The following RNF212B variants were observed in gnomAD, a reference collection of about 807,000 sequenced individuals.
The protein encoded by RNF212B is ring finger protein 212B, also known as E3 ubiquitin-protein ligase RNF212B.
Under a neutral mutation model 55.5 loss-of-function variants are expected in RNF212B, and 52 were observed. The observed-to-expected ratio is 0.94, with a 90% CI of 0.75 to 1.18. The LOEUF (loss-of-function observed/expected upper bound fraction) is 1.18, where lower values mean the gene tolerates loss of function less well. Among genes scored for constraint, RNF212B ranks in the 50% most tolerant of loss-of-function variants. The pLI is 0.00. For missense variants in RNF212B, 289 were observed against 350.4 expected (o/e 0.82, Z 1.40); for synonymous variants, 99 against 121.4 (o/e 0.82, Z 1.21).
chr14:23,228,015 G>A (rs1444624158), intron 2 of RNF212B, among the ~76,000 whole-genome samples: 2 of 152,088 alleles, frequency 1.3e-5, no homozygotes, highest in Non-Finnish European at 2.9e-5. Context: ...TGGATCACCT[G>A]AGGTCGGGAG....
intron 2 of RNF212B, among the ~76,000 whole-genome samples, chr14:23,241,951 G>A (rs1333512871): frequency 2.7e-5 from 4 of 150,924 alleles, no homozygotes; most frequent in Admixed American, 6.6e-5. Context: ...GCATGGTGGC[G>A]GGCGCCTATG....
chr14:23,269,962 TA>T lies in RNF212B; in HGVS notation c.772+4del. The stretch of plus-strand genomic sequence containing the variant: ...GAGTCCTCACCCCCAACAATTTTGG[TA>T]AGTTAAATAACATTTCCAAAGGAAT... On this transcript the variant is annotated splice_donor_region_variant and intron_variant, in intron 13 of 14. Coordinates refer to ENST00000430154, the MANE Select transcript of RNF212B (RefSeq NM_001282322.3). The T allele has an allele frequency of 6.8e-7, 1 of 1,467,398 alleles. No homozygotes were observed. The highest frequency in any genetic ancestry group is 1.2e-5 in the South Asian group (1 of 82,296). 90.9% of individuals were successfully genotyped at this position (1,467,398 alleles called of 1,614,324 possible).
intron 2 of RNF212B, among the ~76,000 whole-genome samples, chr14:23,205,452 C>T (rs1482250554): frequency 6.6e-6 from 1 of 151,978 alleles, no homozygotes; most frequent in African/African-American, 2.4e-5. Flanking sequence ...TGTCCCATTA[C>T]ATTTACCTAA....
intron 1 of RNF212B, among the ~76,000 whole-genome samples, chr14:23,238,699 T>A (rs1340238224): frequency 1.3e-5 from 2 of 151,098 alleles, no homozygotes; most frequent in East Asian, 3.9e-4. Flanking sequence ...GATCTGCCAC[T>A]GCACTCCAAC....
intron 1 of RNF212B, among the ~76,000 whole-genome samples, chr14:23,187,486 C>T (rs913200081): frequency 5.3e-5 from 8 of 152,150 alleles, no homozygotes; most frequent in Non-Finnish European, 8.8e-5. Flanking sequence ...GTAGCTGGGA[C>T]TACAGATGTG....
chr14:23,271,167 G>A (rs918718010), intron 14 of RNF212B, among the ~76,000 whole-genome samples: 1 of 152,100 alleles, frequency 6.6e-6, no homozygotes, highest in East Asian at 1.9e-4. Context: ...CACCGGGGGC[G>A]GTGGTACATG....
chr14:23,235,310 A>T (rs144916941), upstream of RNF212B, among the ~76,000 whole-genome samples: 193 of 152,262 alleles, frequency 1.3e-3, no homozygotes, highest in African/African-American at 4.2e-3. Flanking sequence ...TGATTGTGCC[A>T]CTAAACTCTA....
At chr14:23,232,804 G>T (rs891503114) in intron 2 of RNF212B, among the ~76,000 whole-genome samples, 11 of 145,654 alleles carry the variant, frequency 7.6e-5, no homozygotes, top group Admixed American at 2.0e-4. Context: ...GTCAGCCTCT[G>T]CCCGGCCGCC....
upstream of RNF212B, among the ~76,000 whole-genome samples, chr14:23,236,370 C>G (rs1883091343): frequency 6.6e-6 from 1 of 152,088 alleles, no homozygotes; most frequent in African/African-American, 2.4e-5. Flanking sequence ...AAAAAATTAG[C>G]TGGGCGTAAT....
chr14:23,198,999 C>T (rs775493521), intron 2 of RNF212B, among the ~76,000 whole-genome samples: 5 of 152,184 alleles, frequency 3.3e-5, no homozygotes, highest in Non-Finnish European at 7.4e-5. Context: ...ATACCTCACG[C>T]TGTCCACTGA....
rs73600490 is a variant in RNF212B, at chr14:23,212,414, A to G, written c.-2+19013A>G. 3.1e-3 allele frequency among the ~76,000 whole-genome samples: 477 copies of G among 152,344 alleles called. 4 individuals are homozygous for G. Among genetic ancestry groups the G allele is most frequent in the African/African-American group, 0.011 (443 of 41,578 alleles). ...TTACTCACAGACGGCATGATTATCT[A>G]TCTAGAAAATCAAATGGAATCTGTG... On this transcript the variant is annotated intron_variant, in intron 2 of 15. Coordinates refer to the RNF212B transcript ENST00000399910.
chr14:23,240,518 A>T (rs957717322), intron 2 of RNF212B, 73 bp downstream of exon 2: 7 of 889,652 alleles, frequency 7.9e-6, no homozygotes, highest in Non-Finnish European at 1.1e-5. Context: ...AGCCATTTCT[A>T]TGTGTGACTT....
chr14:23,236,752 A>T (rs1883132854), upstream of RNF212B, among the ~76,000 whole-genome samples: 1 of 152,114 alleles, frequency 6.6e-6, no homozygotes, highest in Non-Finnish European at 1.5e-5. Context: ...GCCTGAGACC[A>T]AAAAGTTTGA....
At chr14:23,233,141 T>C (rs1421199112), upstream of RNF212B, among the ~76,000 whole-genome samples, 2 of 152,248 alleles carry the variant, frequency 1.3e-5, no homozygotes, top group Non-Finnish European at 2.9e-5. Context: ...ATGTGCTGTG[T>C]CCACTCGGGG....
At chr14:23,253,359 CTTGT>C (rs1884557730) in intron 4 of RNF212B, among the ~76,000 whole-genome samples, 1 of 151,968 alleles carries the variant, frequency 6.6e-6, no homozygotes, top group Non-Finnish European at 1.5e-5. Context: ...TAAGTTTTCT[CTTGT>C]TTCTTTTTAA....
At chr14:23,202,182 A>G (rs1291122595) in intron 2 of RNF212B, among the ~76,000 whole-genome samples, 1 of 149,908 alleles carries the variant, frequency 6.7e-6, no homozygotes, top group East Asian at 2.0e-4. Context: ...ACCCAAGAGG[A>G]GGAGCTTGCA....
At chr14:23,212,018 G>T (rs1002989974) in intron 2 of RNF212B, among the ~76,000 whole-genome samples, 3 of 151,914 alleles carry the variant, frequency 2.0e-5, no homozygotes, top group African/African-American at 7.3e-5. Context: ...ATGAGCCACC[G>T]TGCCTGACCA....
At chr14:23,195,589 G>A (rs1194102446) in intron 2 of RNF212B, among the ~76,000 whole-genome samples, 6 of 151,850 alleles carry the variant, frequency 4.0e-5, no homozygotes, top group South Asian at 2.1e-4. Context: ...CACTCATTTC[G>A]TGTGCTCAGT....
rs533714824 is a variant in RNF212B, at chr14:23,253,473, C to T, written c.229-5076C>T. On this transcript the variant is annotated intron_variant, in intron 4 of 14. Transcript: ENST00000430154. ...GTCATTTCATATGTTCCTCTGTCCT[C>T]TATTTCTTGTAAATTGTTAGGTAAG... Among the ~76,000 whole-genome samples, 6 of 152,168 alleles carry T rather than the reference C, an allele frequency of 3.9e-5. No homozygotes were observed. The East Asian group carries it at 1.2e-3, about 29-fold the overall frequency.
Sources: gnomAD v4.1 joint callset for allele counts (sites outside exome capture counted in the v4.1 genomes callset) on GRCh38, gnomAD v4.1.1 for gene constraint, MANE v1.5 for transcripts, NCBI Gene and HGNC (gene_info 2026-07-23, HGNC 2026-07-21) for gene names.